Variants in BEAN1 observed in about 807,000 individuals in gnomAD.
BEAN1 encodes the protein protein BEAN1.
A neutral mutation model predicts 17.7 loss-of-function variants in BEAN1; 17 were observed. The ratio of observed to expected loss-of-function variants is 0.96; its 90% CI spans 0.66 to 1.44. The LOEUF is 1.44. BEAN1 is among the 40% of genes most tolerant of loss of function. The pLI, the probability that BEAN1 is intolerant of heterozygous loss-of-function variation, is 0.00. For synonymous variants in BEAN1, 142 were observed against 151.8 expected (o/e 0.94, Z 0.47); for missense variants, 359 against 374.1 (o/e 0.96, Z 0.33).
Position 66,443,601 on chromosome 16 carries a change from C to T in BEAN1, c.25+5900C>T, listed in dbSNP as rs150727536. On this transcript the variant is annotated intron_variant, in intron 2 of 4. Coordinates refer to ENST00000536005, the MANE Select transcript of BEAN1 (RefSeq NM_001178020.3). ...CCTAGCTGCCCCTCCTCACAGTTCT[C>T]TGGTCTAGCACAAAGTCTGACCCTA... Among the ~76,000 whole-genome samples the T allele has an allele frequency of 1.5e-3, 231 of 152,320 alleles. 1 individual carries two copies. The highest frequency in any genetic ancestry group is 5.3e-3 in the African/African-American group (221 of 41,580).
At chr16:66,484,753 G>A (rs763880504), downstream of BEAN1, 57 of 453,750 alleles carry the variant, frequency 1.3e-4, no homozygotes, top group Admixed American at 3.3e-4. The surrounding 1 kb of genome is among the most constrained non-coding windows in gnomAD (Gnocchi z 4.2). Context: ...GCCACTGAGC[G>A]CAGTCCCACT....
intron 1 of BEAN1, among the ~76,000 whole-genome samples, chr16:66,435,719 C>T (rs1029757523): frequency 1.7e-4 from 26 of 152,236 alleles, no homozygotes; most frequent in Admixed American, 1.2e-3. Context: ...GATCTCCTGA[C>T]CTCATGATCC....
At chr16:66,468,350 C>G (rs1324446850) in intron 2 of BEAN1, among the ~76,000 whole-genome samples, 1 of 152,198 alleles carries the variant, frequency 6.6e-6, no homozygotes, top group Non-Finnish European at 1.5e-5. Context: ...AACATGGGCT[C>G]TGGGAGAACG....
At position 66,477,577 on chromosome 16, in the gene BEAN1, T is replaced by C; in HGVS notation, c.307T>C (p.Tyr103His). ...EHGYVSDEHTYSRSSRRMRYA... is the reference protein window; with the variant it reads ...EHGYVSDEHTHSRSSRRMRYA... ...CCCTGCAGTGTCGGACGAGCACACATACAGCCGCTCAAGCCGCAGGATGCG... is the reference window on the plus strand; with the variant it reads ...CCCTGCAGTGTCGGACGAGCACACACACAGCCGCTCAAGCCGCAGGATGCG... The change falls in exon 4 of 5, where the codon TAC (tyrosine) becomes CAC (histidine). Residue 103 changes from tyrosine to histidine, a missense_variant. Physicochemically the swap from Tyr to His is moderately conservative, Grantham distance 83 (BLOSUM62 2). Coordinates refer to ENST00000536005, the MANE Select transcript of BEAN1 (RefSeq NM_001178020.3). The C allele has an allele frequency of 1.3e-6, 2 of 1,547,180 alleles. No homozygotes were observed. The highest frequency in any genetic ancestry group is 1.2e-5 in the South Asian group (1 of 83,646).
chr16:66,491,585 TC>T (rs1964176447), intron 4 of BEAN1, among the ~76,000 whole-genome samples: 1 of 151,974 alleles, frequency 6.6e-6, no homozygotes, highest in Non-Finnish European at 1.5e-5. Flanking sequence ...AGACCAGCGG[TC>T]CCCAACCTTT....
chr16:66,428,805 C>G (rs1050459488), intron 1 of BEAN1, among the ~76,000 whole-genome samples: 2 of 152,156 alleles, frequency 1.3e-5, no homozygotes, highest in Non-Finnish European at 2.9e-5. Flanking sequence ...CTCCCAGCCC[C>G]CTCCAAGGAG....
chr16:66,461,920 G>A (rs1963102832), intron 2 of BEAN1, among the ~76,000 whole-genome samples: 1 of 152,152 alleles, frequency 6.6e-6, no homozygotes, highest in African/African-American at 2.4e-5. Flanking sequence ...GCTCAGGAGT[G>A]GTAGCAGGGA....
At chr16:66,475,722 CAT>C (rs1404722869) in intron 3 of BEAN1, 2 of 152,180 alleles carry the variant, frequency 1.3e-5, no homozygotes, top group African/African-American at 4.8e-5. Context: ...TTTTTTACAG[CAT>C]ATGTTATTGA....
chr16:66,486,913 A>C (rs8047138), downstream of BEAN1, among the ~76,000 whole-genome samples: 10,055 of 152,180 alleles, frequency 0.066, 1,107 homozygotes, highest in African/African-American at 0.23. Flanking sequence ...GCCCATAGCA[A>C]AGAAAGGAGG....
At chr16:66,489,900 C>T (rs1483192323) in intron 4 of BEAN1, among the ~76,000 whole-genome samples, 2 of 151,960 alleles carry the variant, frequency 1.3e-5, no homozygotes, top group Non-Finnish European at 2.9e-5. Context: ...ATATGAACTG[C>T]CCTGGCCACT....
intron 2 of BEAN1, among the ~76,000 whole-genome samples, chr16:66,441,604 A>G (rs750349479): frequency 1.1e-4 from 16 of 152,174 alleles, no homozygotes; most frequent in Non-Finnish European, 1.8e-4. Context: ...AAGAGTAGCC[A>G]GAAAAGTCTG....
At chr16:66,438,721 T>C (rs35883744) in intron 2 of BEAN1, among the ~76,000 whole-genome samples, 61,351 of 151,904 alleles carry the variant, frequency 0.4, 13,309 homozygotes, top group Non-Finnish European at 0.49. Context: ...TCCACCCGCT[T>C]GACTCATGCC....
chr16:66,428,424 C>T (rs1460255261), intron 1 of BEAN1: 2 of 152,312 alleles, frequency 1.3e-5, no homozygotes, highest in Admixed American at 1.3e-4. Context: ...CCGCTCTGGA[C>T]TCACTCCTCA....
intron 4 of BEAN1, among the ~76,000 whole-genome samples, chr16:66,479,687 T>C: frequency 6.6e-6 from 1 of 151,972 alleles, no homozygotes; most frequent in East Asian, 1.9e-4. Flanking sequence ...GCCTTAGGGA[T>C]CAAGACGGGT....
intron 2 of BEAN1, among the ~76,000 whole-genome samples, chr16:66,452,254 G>A (rs1962699251): frequency 6.6e-6 from 1 of 152,164 alleles, no homozygotes; most frequent in Non-Finnish European, 1.5e-5. Context: ...TAGATTTCCT[G>A]ATCTTAAATC....
intron 2 of BEAN1, among the ~76,000 whole-genome samples, chr16:66,439,883 C>T (rs1444705438): frequency 1.3e-5 from 2 of 152,100 alleles, no homozygotes; most frequent in African/African-American, 4.8e-5. Flanking sequence ...TCCAGGAGCT[C>T]AGGACTGCTG....
chr16:66,462,297 G>C (rs1202919791), intron 2 of BEAN1, among the ~76,000 whole-genome samples: 2 of 152,152 alleles, frequency 1.3e-5, no homozygotes, highest in African/African-American at 4.8e-5. Context: ...GTAGCCAAGG[G>C]AATAAAAATT....
chr16:66,474,710 AAGG>A (rs950076886), intron 3 of BEAN1, among the ~76,000 whole-genome samples: 25 of 151,708 alleles, frequency 1.6e-4, no homozygotes, highest in East Asian at 7.7e-4. Flanking sequence ...GAGAGAAAAA[AAGG>A]AGAGAAAGAA....
At chr16:66,464,454 C>T (rs1453444667) in intron 2 of BEAN1, among the ~76,000 whole-genome samples, 1 of 152,144 alleles carries the variant, frequency 6.6e-6, no homozygotes, top group Admixed American at 6.5e-5. Context: ...GATTCCCCTG[C>T]CACAGCCTCC....
Sources: allele counts gnomAD v4.1 joint callset (sites outside exome capture counted in the v4.1 genomes callset), GRCh38; gene constraint gnomAD v4.1.1; non-coding constraint Gnocchi (gnomAD v3.1); transcripts MANE v1.5; gene names NCBI Gene and HGNC (gene_info 2026-07-23, HGNC 2026-07-21).